The following CDH12 variants were observed in gnomAD, a reference collection of about 807,000 sequenced individuals.
The protein encoded by CDH12 is cadherin-12.
CDH12 carries 41 observed loss-of-function variants against 74.1 expected under a neutral mutation model. That is an observed-to-expected ratio of 0.55 (90% CI 0.43 to 0.72). The LOEUF is 0.72. Among genes scored for constraint, CDH12 ranks in the 30% least tolerant of loss-of-function variants. The pLI, the probability that CDH12 is intolerant of heterozygous loss-of-function variation, is 0.00. For synonymous variants in CDH12, 399 were observed against 355.0 expected (o/e 1.12, Z -1.39); for missense variants, 945 against 977.2 (o/e 0.97, Z 0.44).
chr5:22,478,759 T>C lies in CDH12; in HGVS notation c.-428+26511A>G, dbSNP rs866501052. ...AAAATCGCAAAGTGCTTCCATTTACTCACATAATTAAACCCTCTATATCAT... is the reference window on the plus strand; with the variant it reads ...AAAATCGCAAAGTGCTTCCATTTACCCACATAATTAAACCCTCTATATCAT... On this transcript the variant is annotated intron_variant, in intron 2 of 14. Coordinates refer to ENST00000382254, the MANE Select transcript of CDH12 (RefSeq NM_004061.5). Among the ~76,000 whole-genome samples, 17 of 152,252 alleles carry C rather than the reference T, an allele frequency of 1.1e-4. No individual in the cohort carries two copies. In the South Asian group the frequency reaches 3.1e-3, roughly 28 times the overall value.
chr5:22,823,145 ACAC>A (rs1239397199), intron 1 of CDH12, among the ~76,000 whole-genome samples: 1 of 150,808 alleles, frequency 6.6e-6, no homozygotes, highest in East Asian at 2.0e-4. Flanking sequence ...AAAAAACCAA[ACAC>A]CGCATGTTCT....
intron 4 of CDH12, among the ~76,000 whole-genome samples, chr5:22,108,187 G>A (rs1744598904): frequency 1.3e-5 from 2 of 152,140 alleles, no homozygotes; most frequent in African/African-American, 4.8e-5. Context: ...TAGTGAATAA[G>A]TCTCATGAGA....
chr5:22,583,905 T>C (rs1015432207), intron 1 of CDH12, among the ~76,000 whole-genome samples: 2 of 152,106 alleles, frequency 1.3e-5, no homozygotes, highest in African/African-American at 4.8e-5. Flanking sequence ...GATTAGCTCC[T>C]ATAAAAGAAA....
chr5:22,771,867 T>C lies in CDH12; in HGVS notation c.-523+81191A>G, dbSNP rs375767415. 1.4e-4 allele frequency among the ~76,000 whole-genome samples: 21 copies of C among 152,186 alleles called. No homozygotes were observed. The East Asian group carries it at 4.1e-3, about 29-fold the overall frequency. ...CTGTAGACTTTTGACCTGCCAACCT[T>C]TGCAATTAGGTTAGTTCATTCCCTA... On this transcript the variant is annotated intron_variant, in intron 1 of 14. Transcript: ENST00000382254.
intron 4 of CDH12, among the ~76,000 whole-genome samples, chr5:22,087,640 CA>C (rs1467571380): frequency 1.3e-5 from 2 of 149,116 alleles, no homozygotes; most frequent in South Asian, 2.1e-4. Context: ...GACTTTGTCT[CA>C]AAAAAAGAAA....
At chr5:22,066,951 G>C (rs565931558) in intron 5 of CDH12, among the ~76,000 whole-genome samples, 102 of 152,216 alleles carry the variant, frequency 6.7e-4, no homozygotes, top group African/African-American at 2.3e-3. Flanking sequence ...ACATCCCCTG[G>C]TACCTGGTAT....
chr5:22,062,233 A>T (rs1741239909), intron 5 of CDH12, among the ~76,000 whole-genome samples: 1 of 152,194 alleles, frequency 6.6e-6, no homozygotes, highest in Admixed American at 6.5e-5. Flanking sequence ...TGAAATAACT[A>T]GCATATTATG....
At chr5:22,249,308 T>G (rs949424971) in intron 3 of CDH12, among the ~76,000 whole-genome samples, 1 of 152,168 alleles carries the variant, frequency 6.6e-6, no homozygotes, top group Non-Finnish European at 1.5e-5. Context: ...CCAGAGGGTA[T>G]GAACTCATAG....
At chr5:22,251,193 T>A (rs530970437) in intron 3 of CDH12, among the ~76,000 whole-genome samples, 1 of 152,228 alleles carries the variant, frequency 6.6e-6, no homozygotes, top group African/African-American at 2.4e-5. Flanking sequence ...ATGGATTCAG[T>A]TGAGAGTTCA....
At chr5:22,003,782 C>T (rs1417788071) in intron 5 of CDH12, among the ~76,000 whole-genome samples, 4 of 89,552 alleles carry the variant, frequency 4.5e-5, no homozygotes, top group Admixed American at 3.6e-4. Flanking sequence ...TTATTTGTTT[C>T]GTTTCATGAA....
intron 1 of CDH12, among the ~76,000 whole-genome samples, chr5:22,666,105 T>C (rs1007415394): frequency 5.9e-5 from 9 of 152,174 alleles, no homozygotes; most frequent in Admixed American, 5.2e-4. Context: ...CCAAACATGT[T>C]ATTTATTCAC....
intron 1 of CDH12, among the ~76,000 whole-genome samples, chr5:22,845,137 A>G (rs1245502585): frequency 6.6e-6 from 1 of 152,140 alleles, no homozygotes; most frequent in Non-Finnish European, 1.5e-5. Flanking sequence ...ATTCATCCAT[A>G]TTATTTTGCC....
intron 8 of CDH12, among the ~76,000 whole-genome samples, chr5:21,830,167 C>T (rs1194161079): frequency 7.7e-6 from 1 of 129,744 alleles, no homozygotes; most frequent in East Asian, 2.4e-4. Flanking sequence ...CCATTACACT[C>T]CAGACTGGGT....
At chr5:22,117,501 AAT>A (rs1200950858) in intron 4 of CDH12, among the ~76,000 whole-genome samples, 3 of 70,868 alleles carry the variant, frequency 4.2e-5, no homozygotes, top group African/African-American at 1.9e-4. Context: ...ATATATATAT[AAT>A]ATATATATAA....
chr5:21,972,026 C>A (rs1381800310), intron 6 of CDH12, among the ~76,000 whole-genome samples: 7 of 152,044 alleles, frequency 4.6e-5, no homozygotes, highest in Admixed American at 6.6e-5. Context: ...CTCATCCTAC[C>A]CACCACCATT....
chr5:22,078,729 A>C lies in CDH12; in HGVS notation c.-53T>G, dbSNP rs1194586603. Reference sequence around the variant, plus strand: ...ATAAAAACTCCAACACTTAACGTAGAATTGTGGAATCCAGGTTTGAGGTGT... The same window carrying C: ...ATAAAAACTCCAACACTTAACGTAGCATTGTGGAATCCAGGTTTGAGGTGT... On this transcript the variant is annotated 5_prime_UTR_variant, in exon 5 of 15. The change creates a new upstream start codon in the 5' untranslated region. Transcript: ENST00000382254. The C allele has an allele frequency of 2.8e-5, 45 of 1,589,256 alleles. No individual in the cohort carries two copies. The highest frequency in any genetic ancestry group is 3.8e-5 in the Non-Finnish European group (44 of 1,166,928).
chr5:22,392,802 A>C (rs997431213), intron 3 of CDH12, among the ~76,000 whole-genome samples: 1 of 152,150 alleles, frequency 6.6e-6, no homozygotes, highest in South Asian at 2.1e-4. Context: ...TAGAACAACA[A>C]TTTTACAAAG....
intron 5 of CDH12, among the ~76,000 whole-genome samples, chr5:22,067,862 C>T (rs1241405606): frequency 2.0e-5 from 3 of 152,048 alleles, no homozygotes; most frequent in Non-Finnish European, 1.5e-5. Flanking sequence ...CCTGTAGTCC[C>T]AGCTACTCAG....
intron 6 of CDH12, among the ~76,000 whole-genome samples, chr5:21,946,618 T>C (rs181656306): frequency 1.2e-3 from 181 of 152,344 alleles, no homozygotes; most frequent in Non-Finnish European, 2.0e-3. Context: ...CAAAATCATG[T>C]ACAATCATGC....
Sources: gnomAD v4.1 joint callset for allele counts (sites outside exome capture counted in the v4.1 genomes callset) on GRCh38, gnomAD v4.1.1 for gene constraint, MANE v1.5 for transcripts, NCBI Gene and HGNC (gene_info 2026-07-23, HGNC 2026-07-21) for gene names.